Variants in KIF13B observed in about 807,000 individuals in gnomAD.
KIF13B encodes kinesin-like protein KIF13B.
KIF13B carries 127 observed loss-of-function variants against 222.0 expected under a neutral mutation model. The observed-to-expected ratio is 0.57, with a 90% confidence interval of 0.50 to 0.66. The LOEUF (loss-of-function observed/expected upper bound fraction) is 0.66. KIF13B is among the 30% of genes least tolerant of loss of function. The pLI is 0.00. For missense variants in KIF13B, 2,173 were observed against 2,379.0 expected (o/e 0.91, Z 1.80); for synonymous variants, 976 against 919.0 (o/e 1.06, Z -1.12).
At chr8:29,140,838 T>C (rs545163639) in intron 19 of KIF13B, 1 of 462,008 alleles carries the variant, frequency 2.2e-6, no homozygotes, top group East Asian at 3.4e-5. Flanking sequence ...GAGGTGAGCA[T>C]CCTCCACCCA....
chr8:29,179,962 G>A, intron 8 of KIF13B, 142 bp downstream of exon 8: 1 of 875,324 alleles, frequency 1.1e-6, no homozygotes, highest in Non-Finnish European at 1.8e-6. Flanking sequence ...TGACCTAGAG[G>A]AGCTTCTGTT....
chr8:29,251,069 T>G (rs1262827402), intron 1 of KIF13B, among the ~76,000 whole-genome samples: 3 of 151,934 alleles, frequency 2.0e-5, no homozygotes, highest in Non-Finnish European at 4.4e-5. Context: ...AAGAATCACT[T>G]GAACCCGGGA....
chr8:29,113,666 C>T, intron 31 of KIF13B, 111 bp from the exon 32 acceptor site: 2 of 714,010 alleles, frequency 2.8e-6, no homozygotes, highest in African/African-American at 1.8e-5. Flanking sequence ...GAAAACAGAG[C>T]AGGTTTCCAA....
At chr8:29,225,410 T>C (rs568107916) in intron 2 of KIF13B, among the ~76,000 whole-genome samples, 2 of 152,288 alleles carry the variant, frequency 1.3e-5, no homozygotes, top group Non-Finnish European at 2.9e-5. Context: ...GACTCAAAAC[T>C]ACTCAATGCA....
rs141316171 is a variant in KIF13B at position 29,126,805 on chromosome 8, T to C, written c.3223-294A>G. On this transcript the variant is annotated intron_variant, in intron 25 of 39. Coordinates refer to ENST00000524189, the MANE Select transcript of KIF13B (RefSeq NM_015254.4). ...GGGAAATCAAACACCTGCTGGCAAA[T>C]AGTCTTTACAAGCCAGTAGGGGGTT... is the stretch of plus-strand genomic sequence containing the variant. Among the ~76,000 whole-genome samples the C allele has an allele frequency of 1.8e-4, 27 of 152,170 alleles. No individual in the cohort carries two copies. The East Asian group carries it at 4.1e-3, about 23-fold the overall frequency.
At chr8:29,099,969 GGT>G (rs747731820) in intron 35 of KIF13B, among the ~76,000 whole-genome samples, 10 of 152,074 alleles carry the variant, frequency 6.6e-5, no homozygotes, top group Non-Finnish European at 8.8e-5. Context: ...ATAGTCAGAG[GGT>G]GTCTCTTCTC....
At chr8:29,090,489 T>C (rs902444889) in intron 37 of KIF13B, among the ~76,000 whole-genome samples, 3 of 152,176 alleles carry the variant, frequency 2.0e-5, no homozygotes, top group African/African-American at 4.8e-5. Flanking sequence ...GAAGTTGCAC[T>C]GAAGCCTGGA....
chr8:29,109,323 C>A (rs532201005), intron 34 of KIF13B, 111 bp downstream of exon 34: 3 of 836,324 alleles, frequency 3.6e-6, no homozygotes, highest in East Asian at 4.9e-5. Context: ...TCAGTCCTGG[C>A]AAGGGAAGGG....
rs755667406 is a variant in KIF13B, at chr8:29,127,131, C to A, written c.3213G>T (p.Glu1071Asp). 3.7e-6 allele frequency: 6 copies of A among 1,613,552 alleles called. No homozygotes were observed. In the East Asian group the frequency reaches 1.3e-4, roughly 36 times the overall value. Residue 1071 changes from glutamate to aspartate, a missense_variant, in exon 25 of 40, where the codon GAG becomes GAT. By Grantham distance (45) the Glu-to-Asp change is conservative. Around this residue, in one of 2 missense-constraint regions of KIF13B, gnomAD observed 1,480 missense variants for 1,722.8 expected, o/e 0.86. Coordinates refer to ENST00000524189, the MANE Select transcript of KIF13B (RefSeq NM_015254.4). ...AGGTATAGAAACTTACATGGAAGGT[C>A]TCATGTGTTCTGGGGGCTCTGAGCG... Reference protein sequence around the residue: ...VRPLRAPRTHETFHEEEEDMD... With the variant: ...VRPLRAPRTHDTFHEEEEDMD...
At chr8:29,226,072 A>G (rs1413959121) in intron 2 of KIF13B, among the ~76,000 whole-genome samples, 3 of 152,070 alleles carry the variant, frequency 2.0e-5, no homozygotes, top group Non-Finnish European at 2.9e-5. Flanking sequence ...AAACATACCT[A>G]ACCTACCTTC....
At chr8:29,075,844 ACCCTAC>A (rs1467430671) in intron 37 of KIF13B, among the ~76,000 whole-genome samples, 1 of 152,142 alleles carries the variant, frequency 6.6e-6, no homozygotes, top group Non-Finnish European at 1.5e-5. Flanking sequence ...TCGGAAACTA[ACCCTAC>A]TCAGGAGAGG....
intron 22 of KIF13B, 67 bp downstream of exon 22, chr8:29,133,973 G>T: frequency 1.4e-6 from 2 of 1,443,392 alleles, no homozygotes; most frequent in South Asian, 1.3e-5. Flanking sequence ...AAGAAACAAG[G>T]TTCATTTTCT....
chr8:29,239,335 C>T (rs117089545), intron 2 of KIF13B, among the ~76,000 whole-genome samples: 6,379 of 152,276 alleles, frequency 0.042, 218 homozygotes, highest in Middle Eastern at 0.088. Context: ...AAGTATACTA[C>T]GACAATTTTC....
chr8:29,227,187 T>A (rs139246098), intron 2 of KIF13B, among the ~76,000 whole-genome samples: 1 of 152,368 alleles, frequency 6.6e-6, no homozygotes, highest in East Asian at 1.9e-4. Flanking sequence ...AAAATACTTA[T>A]TTCAATTATA....
intron 37 of KIF13B, among the ~76,000 whole-genome samples, chr8:29,090,880 C>T (rs1255100733): frequency 6.6e-6 from 1 of 152,036 alleles, no homozygotes; most frequent in Non-Finnish European, 1.5e-5. Context: ...TACAGGAGCA[C>T]GCCTGGCTAA....
chr8:29,219,311 C>A (rs1814633894), intron 2 of KIF13B: 1 of 151,902 alleles, frequency 6.6e-6, no homozygotes. Context: ...GGCTGCTAAG[C>A]TGAAAGAAAA....
chr8:29,227,633 C>T (rs1352853181), intron 2 of KIF13B, among the ~76,000 whole-genome samples: 2 of 152,138 alleles, frequency 1.3e-5, no homozygotes, highest in Non-Finnish European at 2.9e-5. Context: ...TCAAAGGGTT[C>T]ATGACCAACA....
At chr8:29,134,335 C>T in intron 21 of KIF13B, 125 bp from the exon 22 acceptor site, 1 of 818,998 alleles carries the variant, frequency 1.2e-6, no homozygotes, top group Non-Finnish European at 2.0e-6. Context: ...TGGCCAAATC[C>T]CATTCACCCT....
intron 2 of KIF13B, among the ~76,000 whole-genome samples, chr8:29,212,230 T>C (rs575210405): frequency 6.6e-6 from 1 of 152,340 alleles, no homozygotes; most frequent in East Asian, 1.9e-4. Flanking sequence ...ATGGTAAGTA[T>C]GTTTATACCC....
Sources: allele counts gnomAD v4.1 joint callset (sites outside exome capture counted in the v4.1 genomes callset), GRCh38; gene constraint gnomAD v4.1.1; regional missense constraint gnomAD v4.1.1; transcripts MANE v1.5; gene names NCBI Gene and HGNC (gene_info 2026-07-23, HGNC 2026-07-21).